The following PRDM16 variants were observed in gnomAD, a reference collection of about 807,000 sequenced individuals.
PRDM16 encodes the protein PR/SET domain 16.
A neutral mutation model predicts 110.6 loss-of-function variants in PRDM16; 23 were observed. The ratio of observed to expected loss-of-function variants is 0.21; its 90% CI spans 0.15 to 0.29. The LOEUF (loss-of-function observed/expected upper bound fraction) is 0.29, where lower values mean the gene tolerates loss of function less well. Among genes scored for constraint, PRDM16 ranks in the 10% least tolerant of loss-of-function variants. PRDM16 has a pLI of 1.00. For missense variants in PRDM16, 1,615 were observed against 1,794.3 expected (o/e 0.90, Z 1.81); for synonymous variants, 799 against 781.8 (o/e 1.02, Z -0.37).
intron 3 of PRDM16, among the ~76,000 whole-genome samples, chr1:3,337,723 G>A (rs1447078726): frequency 6.6e-6 from 1 of 152,190 alleles, no homozygotes; most frequent in African/African-American, 2.4e-5. Flanking sequence ...TTTTCCATTT[G>A]GTCTCTCTGG....
chr1:3,166,065 C>T (rs978381502), intron 1 of PRDM16, among the ~76,000 whole-genome samples: 33 of 152,260 alleles, frequency 2.2e-4, no homozygotes, highest in Admixed American at 4.6e-4. Context: ...GGGCGAGCCC[C>T]TCCTAGCCCC....
chr1:3,411,378 T>C lies in PRDM16; in HGVS notation c.1187-6T>C. ...GGGTTTGTCTTGGCTTCTGCTGATG[T>C]TTTAGGTGAGGTCTGCCACAAGTCC... On this transcript the variant is annotated splice_region_variant and splice_polypyrimidine_tract_variant and intron_variant, in intron 8 of 16. Coordinates refer to ENST00000270722, the MANE Select transcript of PRDM16 (RefSeq NM_022114.4). 1 of 1,596,422 alleles carries C rather than the reference T, an allele frequency of 6.3e-7. No individual in the cohort carries two copies. Among genetic ancestry groups the C allele is most frequent in the Non-Finnish European group, 8.6e-7 (1 of 1,165,468 alleles).
At chr1:3,326,103 C>T (rs1048627780) in intron 3 of PRDM16, among the ~76,000 whole-genome samples, 1 of 136,190 alleles carries the variant, frequency 7.3e-6, no homozygotes, top group Non-Finnish European at 1.6e-5. Flanking sequence ...TGGCCATCCT[C>T]GACCATCCTT....
chr1:3,339,327 C>T lies in PRDM16; in HGVS notation c.439-45825C>T, dbSNP rs1290841659. 6.6e-6 allele frequency among the ~76,000 whole-genome samples: 1 copy of T among 152,082 alleles called. No individual in the cohort carries two copies. Among genetic ancestry groups the T allele is most frequent in the African/African-American group, 2.4e-5 (1 of 41,420 alleles). ...TCCCTGGCCCTTGCCCAGGGTGAGG[C>T]ACAGGGTGGGCCTCCGCGCATCCGT... On this transcript the variant is annotated intron_variant, in intron 3 of 16. Coordinates refer to ENST00000270722, the MANE Select transcript of PRDM16 (RefSeq NM_022114.4). This position sits in a 1 kb window ranked among gnomAD's most constrained non-coding sequence, Gnocchi z 5.0.
At chr1:3,176,872 C>T (rs564589760) in intron 1 of PRDM16, among the ~76,000 whole-genome samples, 1 of 151,996 alleles carries the variant, frequency 6.6e-6, no homozygotes, top group South Asian at 2.1e-4. Context: ...ATTCATCTAT[C>T]CATTCTTCCT....
chr1:3,369,742 A>G (rs1341255111), intron 3 of PRDM16, among the ~76,000 whole-genome samples: 4 of 152,260 alleles, frequency 2.6e-5, no homozygotes, highest in Non-Finnish European at 4.4e-5. Context: ...TTATGCACGC[A>G]TACCTGGGCC....
intron 1 of PRDM16, among the ~76,000 whole-genome samples, chr1:3,091,143 C>T (rs1414323710): frequency 6.6e-6 from 1 of 152,242 alleles, no homozygotes; most frequent in Non-Finnish European, 1.5e-5. Context: ...TGACCGCTAA[C>T]AGGGAGACCA....
chr1:3,171,382 G>T lies in PRDM16; in HGVS notation c.38-14743G>T, dbSNP rs146072778. Among the ~76,000 whole-genome samples, 33 of 152,326 alleles carry T rather than the reference G, an allele frequency of 2.2e-4. No homozygotes were observed. The East Asian group carries it at 6.4e-3, about 29-fold the overall frequency. On this transcript the variant is annotated intron_variant, in intron 1 of 16. Transcript: ENST00000270722. Reference sequence around the variant, plus strand: ...CGAGTGTGTTTTCTTTTCTGAACGAGCCCTGGCTGAGTGCACTTTGTCCTC... The same window carrying T: ...CGAGTGTGTTTTCTTTTCTGAACGATCCCTGGCTGAGTGCACTTTGTCCTC...
intron 1 of PRDM16, among the ~76,000 whole-genome samples, chr1:3,141,399 C>T (rs965104709): frequency 1.8e-4 from 27 of 152,222 alleles, no homozygotes; most frequent in African/African-American, 6.3e-4. Flanking sequence ...CCGGCTTGAG[C>T]GCTGTCTGCA....
intron 3 of PRDM16, among the ~76,000 whole-genome samples, chr1:3,335,522 C>T (rs764077589): frequency 3.3e-5 from 5 of 151,672 alleles, no homozygotes; most frequent in Non-Finnish European, 7.4e-5. Context: ...TAACTTTTGA[C>T]TGGCCAATCC....
chr1:3,250,208 G>T (rs549932473), intron 3 of PRDM16, among the ~76,000 whole-genome samples: 2 of 149,682 alleles, frequency 1.3e-5, no homozygotes, highest in African/African-American at 4.9e-5. Context: ...GCTCCAGTCC[G>T]CAGGGCAGAA....
chr1:3,075,142 C>G (rs768182861), intron 1 of PRDM16, among the ~76,000 whole-genome samples: 1 of 152,242 alleles, frequency 6.6e-6, no homozygotes, highest in Non-Finnish European at 1.5e-5. Flanking sequence ...AACAATGCCC[C>G]GAGGCCTGAA....
Position 3,350,777 on chromosome 1 carries a change from G to A in PRDM16, c.439-34375G>A, listed in dbSNP as rs532918820. On this transcript the variant is annotated intron_variant, in intron 3 of 16. Transcript: ENST00000270722. This position sits in a 1 kb window ranked among gnomAD's most constrained non-coding sequence, Gnocchi z 7.1. ...TGTCTGCCGACTTCTTCCCAATGCCGCGTCCAGTGTTTTCCTCTTTCTGGG... is the reference window on the plus strand; with the variant it reads ...TGTCTGCCGACTTCTTCCCAATGCCACGTCCAGTGTTTTCCTCTTTCTGGG... Among the ~76,000 whole-genome samples, 15 of 152,206 alleles carry A rather than the reference G, an allele frequency of 9.9e-5. No individual in the cohort carries two copies. The highest frequency in any genetic ancestry group is 3.9e-4 in the East Asian group (2 of 5,160).
intron 3 of PRDM16, among the ~76,000 whole-genome samples, chr1:3,315,157 C>G (rs377081097): frequency 2.2e-4 from 34 of 151,486 alleles, no homozygotes; most frequent in Admixed American, 9.8e-4. Context: ...CCGCTTCACT[C>G]CGTGTCTCCC....
intron 3 of PRDM16, among the ~76,000 whole-genome samples, chr1:3,282,008 G>C (rs1640720155): frequency 6.6e-6 from 1 of 152,222 alleles, no homozygotes; most frequent in African/African-American, 2.4e-5. Context: ...TTGGGCTGCA[G>C]TCAGGTCAGC....
intron 1 of PRDM16, among the ~76,000 whole-genome samples, chr1:3,083,899 G>A (rs1216964667): frequency 6.6e-6 from 1 of 152,222 alleles, no homozygotes; most frequent in Non-Finnish European, 1.5e-5. Flanking sequence ...CACACGCATG[G>A]AACACGTGGT....
chr1:3,144,877 G>T (rs1007576242), intron 1 of PRDM16, among the ~76,000 whole-genome samples: 5 of 152,164 alleles, frequency 3.3e-5, no homozygotes, highest in Admixed American at 2.6e-4. Context: ...ACCAGGTAAG[G>T]GTTGGGCTGG....
At chr1:3,401,062 T>A (rs1250750709) in intron 5 of PRDM16, among the ~76,000 whole-genome samples, 16 of 152,136 alleles carry the variant, frequency 1.1e-4, no homozygotes, top group Admixed American at 1.0e-3. Context: ...CACCTGAGGC[T>A]CAGGGAGCCA....
At chr1:3,286,295 G>A (rs554440869) in intron 3 of PRDM16, among the ~76,000 whole-genome samples, 4 of 152,200 alleles carry the variant, frequency 2.6e-5, no homozygotes, top group South Asian at 2.1e-4. Flanking sequence ...CAGTGTTTGC[G>A]GACCAAGGGG....
Sources: gnomAD v4.1 joint callset for allele counts (sites outside exome capture counted in the v4.1 genomes callset) on GRCh38, gnomAD v4.1.1 for gene constraint, Gnocchi (gnomAD v3.1) non-coding constraint, MANE v1.5 for transcripts, NCBI Gene and HGNC (gene_info 2026-07-23, HGNC 2026-07-21) for gene names.